CFAP20DC: variants seen among roughly 807,000 people sequenced by gnomAD.
The protein encoded by CFAP20DC is protein CFAP20DC.
Under a neutral mutation model 101.7 loss-of-function variants are expected in CFAP20DC, and 84 were observed. The ratio of observed to expected loss-of-function variants is 0.83; its 90% CI spans 0.69 to 0.99. The LOEUF (loss-of-function observed/expected upper bound fraction) is 0.99. Ranked by LOEUF, CFAP20DC falls within the 50% of genes least tolerant of loss-of-function variation. The pLI, the probability that CFAP20DC is intolerant of heterozygous loss-of-function variation, is 0.00. For synonymous variants in CFAP20DC, 359 were observed against 351.2 expected, an observed-to-expected ratio of 1.02 and a Z score of -0.25; for missense variants, 1,007 against 970.3, an observed-to-expected ratio of 1.04 and a Z score of -0.50.
chr3:58,841,588 T>C (rs529313592), intron 13 of CFAP20DC, among the ~76,000 whole-genome samples: 2 of 152,192 alleles, frequency 1.3e-5, no homozygotes, highest in Non-Finnish European at 2.9e-5. Flanking sequence ...GGCTTGATAA[T>C]TAAAGGGAAA....
intron 4 of CFAP20DC, among the ~76,000 whole-genome samples, chr3:58,986,906 A>C (rs908643673): frequency 1.3e-5 from 2 of 152,162 alleles, no homozygotes; most frequent in Non-Finnish European, 2.9e-5. Context: ...TAATAGGAAG[A>C]GTCACTTCTT....
chr3:58,783,113 G>A (rs1006077367), intron 15 of CFAP20DC, among the ~76,000 whole-genome samples: 6 of 152,006 alleles, frequency 3.9e-5, no homozygotes, highest in Non-Finnish European at 5.9e-5. Flanking sequence ...AGGGAATCCA[G>A]AAATAAATCC....
At chr3:58,734,277 G>A (rs1235273093) in intron 3 of CFAP20DC, among the ~76,000 whole-genome samples, 1 of 152,140 alleles carries the variant, frequency 6.6e-6, no homozygotes, top group Non-Finnish European at 1.5e-5. Context: ...TTTTATTCAT[G>A]AATTACCAAG....
intron 14 of CFAP20DC, among the ~76,000 whole-genome samples, chr3:58,813,217 C>A (rs1235199980): frequency 1.3e-5 from 2 of 151,834 alleles, no homozygotes; most frequent in African/African-American, 2.4e-5. Flanking sequence ...CCACAGGAAA[C>A]CTTTCAGTTA....
intron 14 of CFAP20DC, among the ~76,000 whole-genome samples, chr3:58,808,910 C>T (rs1260336731): frequency 6.6e-6 from 1 of 152,036 alleles, no homozygotes; most frequent in African/African-American, 2.4e-5. Flanking sequence ...GCAGGGGTTG[C>T]AATCCTAGTC....
intron 4 of CFAP20DC, among the ~76,000 whole-genome samples, chr3:59,005,287 A>G (rs1014308261): frequency 6.6e-5 from 10 of 152,180 alleles, no homozygotes; most frequent in African/African-American, 2.2e-4. Context: ...TTGAGGAAGC[A>G]AGTCCAGCCA....
At chr3:59,047,499 T>C (rs1398275280) in intron 1 of CFAP20DC, among the ~76,000 whole-genome samples, 1 of 152,202 alleles carries the variant, frequency 6.6e-6, no homozygotes, top group Non-Finnish European at 1.5e-5. Flanking sequence ...AAATCAATTG[T>C]GCCATACAAA....
At chr3:58,828,025 C>T (rs772547694) in intron 14 of CFAP20DC, among the ~76,000 whole-genome samples, 1 of 152,070 alleles carries the variant, frequency 6.6e-6, no homozygotes, top group African/African-American at 2.4e-5. Context: ...TAATCAGGTC[C>T]ACGGTACAGG....
At chr3:58,757,931 A>G (rs1333468852) in intron 15 of CFAP20DC, among the ~76,000 whole-genome samples, 1 of 152,180 alleles carries the variant, frequency 6.6e-6, no homozygotes, top group Non-Finnish European at 1.5e-5. Flanking sequence ...ACTAAAATAT[A>G]AAAAACTTTG....
At chr3:58,749,399 C>T (rs2068418394) in intron 16 of CFAP20DC, among the ~76,000 whole-genome samples, 1 of 152,184 alleles carries the variant, frequency 6.6e-6, no homozygotes, top group Admixed American at 6.5e-5. Flanking sequence ...ACCCACAGAA[C>T]AGAGCTTCTA....
chr3:58,813,102 G>T (rs537276514), intron 14 of CFAP20DC, among the ~76,000 whole-genome samples: 1 of 151,840 alleles, frequency 6.6e-6, no homozygotes, highest in East Asian at 1.9e-4. Context: ...TTAGGTCAAG[G>T]CAGTCATTTT....
At chr3:58,852,763 A>G (rs1486510823) in intron 12 of CFAP20DC, among the ~76,000 whole-genome samples, 3 of 151,802 alleles carry the variant, frequency 2.0e-5, no homozygotes, top group Non-Finnish European at 4.4e-5. Context: ...GAAGGGAGAA[A>G]TAAAGATGTT....
At chr3:58,880,390 C>G (rs2081143479) in intron 7 of CFAP20DC, among the ~76,000 whole-genome samples, 1 of 152,136 alleles carries the variant, frequency 6.6e-6, no homozygotes, top group African/African-American at 2.4e-5. Flanking sequence ...ACAGGCAGAG[C>G]AGGTCATTCT....
At chr3:59,037,755 ACCCAGCAAT>A (rs910433456) in intron 4 of CFAP20DC, among the ~76,000 whole-genome samples, 2 of 152,188 alleles carry the variant, frequency 1.3e-5, no homozygotes, top group Non-Finnish European at 2.9e-5. Flanking sequence ...ATACCATTTG[ACCCAGCAAT>A]CCCATTACCT....
chr3:58,934,086 G>A (rs1428593220), intron 5 of CFAP20DC, among the ~76,000 whole-genome samples: 22 of 151,990 alleles, frequency 1.4e-4, no homozygotes, highest in Admixed American at 1.4e-3. Flanking sequence ...ATGATAAAGG[G>A]GATATCACCA....
At chr3:58,905,914 T>C (rs1484480017) in intron 6 of CFAP20DC, among the ~76,000 whole-genome samples, 1 of 152,172 alleles carries the variant, frequency 6.6e-6, no homozygotes, top group Non-Finnish European at 1.5e-5. Context: ...TCTTTCCTTT[T>C]TAAATCTGTC....
chr3:58,842,864 C>T (rs1173450982), intron 13 of CFAP20DC, among the ~76,000 whole-genome samples: 6 of 152,320 alleles, frequency 3.9e-5, no homozygotes, highest in African/African-American at 9.6e-5. Context: ...CCCTGACCCC[C>T]GAGCAGCCTA....
intron 5 of CFAP20DC, among the ~76,000 whole-genome samples, chr3:58,916,956 A>G (rs2084801235): frequency 6.6e-6 from 1 of 152,138 alleles, no homozygotes; most frequent in South Asian, 2.1e-4. Context: ...ATTCACTCTT[A>G]AAAGTCCCTT....
At chr3:58,798,237 TCCAGATG>T (rs1017412701) in intron 15 of CFAP20DC, among the ~76,000 whole-genome samples, 38 of 152,268 alleles carry the variant, frequency 2.5e-4, no homozygotes, top group African/African-American at 8.4e-4. Flanking sequence ...AATTCACCAT[TCCAGATG>T]CCACTAAAAA....
Sources: gnomAD v4.1 joint callset for allele counts (sites outside exome capture counted in the v4.1 genomes callset) on GRCh38, gnomAD v4.1.1 for gene constraint, MANE v1.5 for transcripts, NCBI Gene and HGNC (gene_info 2026-07-23, HGNC 2026-07-21) for gene names.